LINGO1: variants seen among roughly 807,000 people sequenced by gnomAD.
LINGO1 encodes the protein leucine rich repeat and Ig domain containing 1.
In LINGO1, 11 loss-of-function variants were observed where a neutral mutation model predicts 37.3. That is an observed-to-expected ratio of 0.29 (90% confidence interval 0.19 to 0.49). The LOEUF is 0.49. Ranked by LOEUF, LINGO1 falls within the 20% of genes least tolerant of loss-of-function variation. The probability of loss-of-function intolerance (pLI) is 0.99; values close to 1 mark genes in which losing one functional copy is unlikely to be tolerated. For missense variants in LINGO1, 585 were observed against 878.2 expected, an observed-to-expected ratio of 0.67 and a Z score of 4.22; for synonymous variants, 387 against 403.0, an observed-to-expected ratio of 0.96 and a Z score of 0.48.
rs576987239 is a variant in LINGO1 at position 77,668,857 on chromosome 15, C to T, written c.-13+8232G>A. Among the ~76,000 whole-genome samples the T allele has an allele frequency of 2.6e-5, 4 of 151,086 alleles. No homozygotes were observed. In the South Asian group the frequency reaches 8.4e-4, roughly 32 times the overall value. On this transcript the variant is annotated intron_variant, in intron 3 of 3. Transcript: ENST00000559893. ...CACACAGAGCATCTTAGGTCCCAAA[C>T]TGGGTTCTTCCTAGCCCTTGGGGAA...
chr15:77,661,071 A>G (rs2074981474), intron 3 of LINGO1, among the ~76,000 whole-genome samples: 1 of 150,708 alleles, frequency 6.6e-6, no homozygotes, highest in South Asian at 2.1e-4. Context: ...GAGAATTGCA[A>G]TGCTGGGCAA....
intron 2 of LINGO1, among the ~76,000 whole-genome samples, chr15:77,730,005 C>T (rs547088640): frequency 5.3e-5 from 8 of 152,148 alleles, no homozygotes; most frequent in African/African-American, 2.4e-5. Context: ...AAATCCCCTC[C>T]GTCCCCCACA....
At chr15:77,699,248 T>C (rs536292867), upstream of LINGO1, among the ~76,000 whole-genome samples, 1 of 110,992 alleles carries the variant, frequency 9.0e-6, no homozygotes, top group African/African-American at 3.5e-5. Context: ...ACCTCACCGA[T>C]GGTCAGGAAA....
chr15:77,810,803 G>C (rs2141478510), intron 1 of LINGO1, among the ~76,000 whole-genome samples: 1 of 152,310 alleles, frequency 6.6e-6, no homozygotes, highest in South Asian at 2.1e-4. Context: ...AAGGAGGCGG[G>C]GAAGCCCAGG....
intron 1 of LINGO1, among the ~76,000 whole-genome samples, chr15:77,757,843 A>G (rs1055053057): frequency 6.6e-6 from 1 of 152,204 alleles, no homozygotes; most frequent in Admixed American, 6.5e-5. Flanking sequence ...GGCGCCAGGC[A>G]TAGGCCCCCC....
rs1425598451 is a variant in LINGO1 at position 77,632,353 on chromosome 15, A to G, written c.-38T>C. On this transcript the variant is annotated 5_prime_UTR_variant, in exon 1 of 2. Transcript: ENST00000355300. This position sits in a 1 kb window ranked among gnomAD's most constrained non-coding sequence, Gnocchi z 6.0. ...TTCGGTCCGCTCGGCTCGGTCACCA[A>G]TCGCATGTCTCTCCAGCCGGCCCGA... is the stretch of plus-strand genomic sequence containing the variant. 3 of 1,413,836 alleles carry G rather than the reference A, an allele frequency of 2.1e-6. No individual in the cohort carries two copies. Among genetic ancestry groups the G allele is most frequent in the South Asian group, 2.9e-5 (2 of 67,914 alleles). The allele number at this position is 1,413,836 out of a possible 1,614,324, so 87.6% of individuals were successfully genotyped here. A position where few individuals can be genotyped will look rare whatever the true frequency, so the allele number is the denominator to read the frequency against.
At chr15:77,633,918 T>G (rs13329256), upstream of LINGO1, among the ~76,000 whole-genome samples, 2 of 152,066 alleles carry the variant, frequency 1.3e-5, no homozygotes, top group African/African-American at 4.8e-5. Flanking sequence ...TCCATCTCCT[T>G]GAAGCCAGAC....
intron 1 of LINGO1, among the ~76,000 whole-genome samples, chr15:77,625,567 G>A (rs1240735925): frequency 1.3e-5 from 2 of 152,156 alleles, no homozygotes; most frequent in Non-Finnish European, 2.9e-5. Flanking sequence ...CATTGGCTAT[G>A]TGCCAGGCAT....
intron 3 of LINGO1, among the ~76,000 whole-genome samples, chr15:77,669,490 A>T (rs2075210094): frequency 2.0e-5 from 3 of 152,178 alleles, no homozygotes; most frequent in South Asian, 2.1e-4. Flanking sequence ...CACCAGAGGA[A>T]GGGAGAGAGG....
At chr15:77,802,396 G>A (rs1567592520) in intron 1 of LINGO1, among the ~76,000 whole-genome samples, 5 of 150,582 alleles carry the variant, frequency 3.3e-5, no homozygotes, top group Non-Finnish European at 1.5e-5. Context: ...AGTATGTCCT[G>A]TGCCCCCGGG....
upstream of LINGO1, among the ~76,000 whole-genome samples, chr15:77,700,065 G>T (rs113119639): frequency 2.5e-3 from 383 of 152,300 alleles, 4 homozygotes; most frequent in African/African-American, 8.4e-3. Context: ...GCATTCTCAG[G>T]GTTTCAGGAG....
At chr15:77,819,725 C>T (rs1366688856) in intron 1 of LINGO1, among the ~76,000 whole-genome samples, 1 of 151,266 alleles carries the variant, frequency 6.6e-6, no homozygotes, top group East Asian at 2.0e-4. Context: ...TTAGGTGCCC[C>T]GCTGCTCCCC....
intron 3 of LINGO1, among the ~76,000 whole-genome samples, chr15:77,664,294 A>G (rs1344121365): frequency 6.6e-6 from 1 of 152,022 alleles, no homozygotes. Flanking sequence ...ACTGTCACTA[A>G]TAGCTGAAAT....
chr15:77,659,788 A>C (rs2074947966), intron 3 of LINGO1, among the ~76,000 whole-genome samples: 2 of 148,676 alleles, frequency 1.3e-5, no homozygotes, highest in African/African-American at 5.0e-5. Flanking sequence ...GAAGTCTCCC[A>C]GATCAATTAC....
chr15:77,699,008 G>A (rs2075733403), upstream of LINGO1, among the ~76,000 whole-genome samples: 1 of 152,126 alleles, frequency 6.6e-6, no homozygotes, highest in South Asian at 2.1e-4. Flanking sequence ...CTTCCTCAGA[G>A]GTGGCTCCTA....
At position 77,717,379 on chromosome 15, in the gene LINGO1, A is replaced by G. The variant is rs982930315; in HGVS notation, c.-195+17613T>C. Among the ~76,000 whole-genome samples the G allele has an allele frequency of 4.6e-5, 7 of 150,846 alleles. No homozygotes were observed. In the South Asian group the frequency reaches 1.5e-3, roughly 32 times the overall value. The stretch of plus-strand genomic sequence containing the variant: ...GGGCAGAGGTGGGGGTGGCAGGCCC[A>G]GGTGCCAGCCAGCCTGTGGGGCCGC... On this transcript the variant is annotated intron_variant, in intron 2 of 3. Transcript: ENST00000561686.
chr15:77,808,118 C>T (rs2076975212), intron 1 of LINGO1, among the ~76,000 whole-genome samples: 1 of 152,034 alleles, frequency 6.6e-6, no homozygotes, highest in African/African-American at 2.4e-5. Context: ...CCACCCATGG[C>T]CCCCAGCCAC....
chr15:77,625,906 A>G (rs1272402478), intron 1 of LINGO1, among the ~76,000 whole-genome samples: 1 of 152,084 alleles, frequency 6.6e-6, no homozygotes, highest in Non-Finnish European at 1.5e-5. Flanking sequence ...GAGTTCAGGG[A>G]GAGGGAAGGG....
chr15:77,758,476 C>T (rs1322545712), intron 1 of LINGO1, among the ~76,000 whole-genome samples: 1 of 152,124 alleles, frequency 6.6e-6, no homozygotes, highest in African/African-American at 2.4e-5. Flanking sequence ...ATGGCCAAGA[C>T]AGCCACCCTG....
Sources: gnomAD v4.1 joint callset for allele counts (sites outside exome capture counted in the v4.1 genomes callset) on GRCh38, gnomAD v4.1.1 for gene constraint, Gnocchi (gnomAD v3.1) non-coding constraint, MANE v1.5 for transcripts, NCBI Gene and HGNC (gene_info 2026-07-23, HGNC 2026-07-21) for gene names.